TDRD12: variants seen among roughly 807,000 people sequenced by gnomAD.
TDRD12 encodes the protein putative ATP-dependent RNA helicase TDRD12.
In TDRD12, 158 loss-of-function variants were observed where a neutral mutation model predicts 133.5. The observed-to-expected ratio is 1.18, with a 90% CI of 1.04 to 1.35. The LOEUF is 1.35. Ranked by LOEUF, TDRD12 falls within the 40% of genes most tolerant of loss-of-function variation. TDRD12 has a pLI of 0.00. For synonymous variants in TDRD12, 460 were observed against 477.9 expected, an observed-to-expected ratio of 0.96 and a Z score of 0.49; for missense variants, 1,443 against 1,321.3, an observed-to-expected ratio of 1.09 and a Z score of -1.43.
At chr19:32,767,809 C>T (rs1307839210) in intron 8 of TDRD12, among the ~76,000 whole-genome samples, 1 of 152,150 alleles carries the variant, frequency 6.6e-6, no homozygotes. Flanking sequence ...AGGTTGTCCT[C>T]CTTTTGGATT....
At chr19:32,785,153 C>T (rs1301118495) in intron 11 of TDRD12, among the ~76,000 whole-genome samples, 1 of 151,620 alleles carries the variant, frequency 6.6e-6, no homozygotes, top group East Asian at 1.9e-4. Flanking sequence ...GATTCTGATG[C>T]TTTGTGTCTT....
chr19:32,736,377 G>T (rs775979068), intron 2 of TDRD12, among the ~76,000 whole-genome samples: 3 of 152,178 alleles, frequency 2.0e-5, no homozygotes, highest in Non-Finnish European at 4.4e-5. Context: ...GTAGTGATGA[G>T]ACCCTGTCTC....
At chr19:32,815,395 A>C in intron 25 of TDRD12, 53 bp from the exon 26 acceptor site, 1 of 1,428,436 alleles carries the variant, frequency 7.0e-7, no homozygotes, top group South Asian at 1.3e-5. Context: ...TCTATGCTTC[A>C]GTTAAAATTC....
intron 23 of TDRD12, 142 bp from the exon 24 acceptor site, chr19:32,811,068 G>C (rs1284135125): frequency 3.2e-6 from 2 of 621,392 alleles, no homozygotes; most frequent in Admixed American, 3.0e-5. Flanking sequence ...ATTTTTGAAG[G>C]CCTTAGTTTT....
At chr19:32,723,572 A>G (rs1407017428) in intron 1 of TDRD12, among the ~76,000 whole-genome samples, 1 of 151,528 alleles carries the variant, frequency 6.6e-6, no homozygotes, top group Non-Finnish European at 1.5e-5. Context: ...TCTTGAAGTC[A>G]GGTGATATGA....
chr19:32,749,108 T>C (rs2145513604), intron 5 of TDRD12, among the ~76,000 whole-genome samples: 1 of 152,298 alleles, frequency 6.6e-6, no homozygotes, highest in South Asian at 2.1e-4. Flanking sequence ...CGTTGGGTCC[T>C]GGCCCCACTC....
chr19:32,826,025 T>C, downstream of TDRD12: 1 of 1,146,036 alleles, frequency 8.7e-7, no homozygotes, highest in Non-Finnish European at 1.2e-6. Flanking sequence ...CAAAAAAGTA[T>C]ATATATATGT....
intron 24 of TDRD12, among the ~76,000 whole-genome samples, chr19:32,812,863 T>C (rs964905486): frequency 1.3e-5 from 2 of 152,202 alleles, no homozygotes; most frequent in African/African-American, 4.8e-5. Flanking sequence ...CTGCCTGTTG[T>C]GTTCCTCCTT....
At chr19:32,777,749 A>G (rs1227121239) in intron 11 of TDRD12, among the ~76,000 whole-genome samples, 1 of 133,832 alleles carries the variant, frequency 7.5e-6, no homozygotes, top group Non-Finnish European at 1.6e-5. Flanking sequence ...GGCTCAAGCG[A>G]TCCTCCCACC....
rs1167998945 is a variant in TDRD12 at position 32,801,753 on chromosome 19, T to C, written c.2080-3T>C. On this transcript the variant is annotated splice_region_variant and splice_polypyrimidine_tract_variant and intron_variant, in intron 18 of 27. Transcript: ENST00000444215. ...GACCTGGCCTCTTTGATTTCATCTT[T>C]AGGTAGTAGAAAGCAGTTCAATATT... The C allele has an allele frequency of 4.1e-6, 5 of 1,228,768 alleles. No individual in the cohort carries two copies. Among genetic ancestry groups the C allele is most frequent in the Non-Finnish European group, 4.5e-6 (4 of 887,780 alleles). 76.1% of individuals were successfully genotyped at this position (1,228,768 alleles called of 1,614,324 possible). A position where few individuals can be genotyped will look rare whatever the true frequency, so the allele number is the denominator to read the frequency against.
chr19:32,745,161 C>T (rs1446692926), intron 4 of TDRD12, among the ~76,000 whole-genome samples: 3 of 152,224 alleles, frequency 2.0e-5, no homozygotes, highest in Non-Finnish European at 2.9e-5. Context: ...TCAGAGCGGC[C>T]CACTGCCCAC....
chr19:32,808,431 C>T (rs1166672382), intron 22 of TDRD12, among the ~76,000 whole-genome samples: 1 of 152,294 alleles, frequency 6.6e-6, no homozygotes, highest in East Asian at 1.9e-4. Flanking sequence ...GCCTGTGGCT[C>T]GCCTGGCGTC....
At chr19:32,798,204 C>G in intron 15 of TDRD12, 104 bp from the exon 16 acceptor site, 4 of 1,164,868 alleles carry the variant, frequency 3.4e-6, no homozygotes, top group Non-Finnish European at 4.8e-6. Flanking sequence ...CAGTGTTTTA[C>G]TTCATTAGAA....
At chr19:32,734,982 T>A (rs1969182661) in intron 2 of TDRD12, among the ~76,000 whole-genome samples, 1 of 152,330 alleles carries the variant, frequency 6.6e-6, no homozygotes, top group Non-Finnish European at 1.5e-5. Flanking sequence ...TCAATAAATG[T>A]GTGTTCTGAC....
chr19:32,729,793 T>G (rs1326711106), intron 1 of TDRD12, among the ~76,000 whole-genome samples: 23 of 126,660 alleles, frequency 1.8e-4, no homozygotes, highest in East Asian at 1.2e-3. Context: ...TTTTTTTTTT[T>G]TTTTTTTTTT....
chr19:32,760,138 GAT>G (rs1280626223), intron 8 of TDRD12, among the ~76,000 whole-genome samples: 1 of 152,338 alleles, frequency 6.6e-6, no homozygotes, highest in African/African-American at 2.4e-5. Flanking sequence ...TCCATTGCTT[GAT>G]ATGTCAAAAT....
At chr19:32,817,819 C>T (rs1165819663) in intron 26 of TDRD12, among the ~76,000 whole-genome samples, 1 of 150,554 alleles carries the variant, frequency 6.6e-6, no homozygotes, top group Non-Finnish European at 1.5e-5. Context: ...TGCCTCTGTG[C>T]GCTTGTGCAA....
intron 8 of TDRD12, among the ~76,000 whole-genome samples, chr19:32,760,466 T>G (rs1970119392): frequency 6.6e-6 from 1 of 152,102 alleles, no homozygotes; most frequent in African/African-American, 2.4e-5. Context: ...AATACTTGAT[T>G]TGCTAATACT....
chr19:32,731,956 T>A, intron 2 of TDRD12, 73 bp downstream of exon 2: 1 of 1,401,164 alleles, frequency 7.1e-7, no homozygotes, highest in Non-Finnish European at 9.5e-7. Flanking sequence ...TTGGCAACGA[T>A]GATGATTCAA....
Sources: allele counts gnomAD v4.1 joint callset (sites outside exome capture counted in the v4.1 genomes callset), GRCh38; gene constraint gnomAD v4.1.1; transcripts MANE v1.5; gene names NCBI Gene and HGNC (gene_info 2026-07-23, HGNC 2026-07-21).